The following ABI2 variants were observed in gnomAD, a reference collection of about 807,000 sequenced individuals.
ABI2 encodes abelson interactor 2.
In ABI2, 25 loss-of-function variants were observed where a neutral mutation model predicts 59.2. The observed-to-expected ratio is 0.42, with a 90% confidence interval of 0.31 to 0.59. ABI2 has a LOEUF of 0.59. Among genes scored for constraint, ABI2 ranks in the 20% least tolerant of loss-of-function variants. The pLI is 0.14. For synonymous variants in ABI2, 213 were observed against 235.5 expected, an observed-to-expected ratio of 0.90 and a Z score of 0.87; for missense variants, 545 against 681.8, an observed-to-expected ratio of 0.80 and a Z score of 2.23.
intron 2 of ABI2, among the ~76,000 whole-genome samples, chr2:203,371,596 C>A (rs530577837): frequency 6.9e-4 from 105 of 152,116 alleles, no homozygotes; most frequent in African/African-American, 2.4e-3. Flanking sequence ...TTGCTGTTAT[C>A]CTATTCATTC....
At chr2:203,337,885 T>C (rs2077182493) in intron 1 of ABI2, among the ~76,000 whole-genome samples, 1 of 152,062 alleles carries the variant, frequency 6.6e-6, no homozygotes, top group Admixed American at 6.5e-5. Context: ...ACAAAAATTA[T>C]AGGGCATGCT....
chr2:203,350,187 A>T (rs931455292), intron 1 of ABI2, among the ~76,000 whole-genome samples: 1 of 152,042 alleles, frequency 6.6e-6, no homozygotes, highest in Admixed American at 6.6e-5. Flanking sequence ...AGCCATTCTC[A>T]TGCCTCAACC....
At chr2:203,360,932 T>A (rs1344171635) in intron 1 of ABI2, among the ~76,000 whole-genome samples, 1 of 152,182 alleles carries the variant, frequency 6.6e-6, no homozygotes, top group African/African-American at 2.4e-5. Context: ...TAACAACTAA[T>A]TGTTACCCTT....
intron 10 of ABI2, among the ~76,000 whole-genome samples, chr2:203,413,013 A>T (rs911875448): frequency 6.6e-6 from 1 of 152,240 alleles, no homozygotes; most frequent in African/African-American, 2.4e-5. Context: ...ACAATGATTA[A>T]TGATGGTAGT....
intron 1 of ABI2, among the ~76,000 whole-genome samples, chr2:203,330,353 A>G (rs2072290981): frequency 6.6e-6 from 1 of 151,150 alleles, no homozygotes; most frequent in Admixed American, 6.6e-5. Context: ...GAAAAGATTC[A>G]GAGGTTCAGG....
At chr2:203,395,032 TA>T (rs778815963) in intron 6 of ABI2, 186 bp downstream of exon 6, 90 of 761,012 alleles carry the variant, frequency 1.2e-4, no homozygotes, top group Non-Finnish European at 2.0e-4. Flanking sequence ...AGGAAGTTGA[TA>T]AAGAACAGAC....
chr2:203,393,824 T>C (rs1458041652), intron 5 of ABI2, among the ~76,000 whole-genome samples: 5 of 151,654 alleles, frequency 3.3e-5, no homozygotes, highest in African/African-American at 1.2e-4. Context: ...TTTATCATTG[T>C]CATAAAGAAT....
intron 10 of ABI2, among the ~76,000 whole-genome samples, chr2:203,416,441 G>A (rs922385613): frequency 6.6e-6 from 1 of 152,128 alleles, no homozygotes; most frequent in Non-Finnish European, 1.5e-5. Context: ...GATTACGGGC[G>A]CCCACGACCA....
At chr2:203,344,597 T>C (rs976570612) in intron 1 of ABI2, among the ~76,000 whole-genome samples, 4 of 151,944 alleles carry the variant, frequency 2.6e-5, no homozygotes, top group African/African-American at 9.7e-5. Context: ...AGGTTTGCTC[T>C]TATTGCCCAG....
rs150904485 is a variant in ABI2 at position 203,417,014 on chromosome 2, G to C, written c.1386G>C (p.Val462=). The change falls in exon 11 of 12, where the codon GTG becomes GTC. Residue 462 remains valine, a synonymous_variant. Transcript: ENST00000261018. The part of the protein sequence containing the change: ...PEDYEEEEAA[V]VEYSDPYAEE... Reference sequence around the variant, plus strand: ...ATTACGAAGAGGAGGAAGCTGCTGTGGTTGAGTATAGTGATCCTTATGCTG... The same window carrying C: ...ATTACGAAGAGGAGGAAGCTGCTGTCGTTGAGTATAGTGATCCTTATGCTG... The C allele has an allele frequency of 6.4e-4, 1,030 of 1,614,144 alleles. 8 individuals carry two copies. The African/African-American group carries it at 0.013, about 20-fold the overall frequency.
At chr2:203,418,534 A>G (rs1559381840) in intron 11 of ABI2, among the ~76,000 whole-genome samples, 2 of 152,242 alleles carry the variant, frequency 1.3e-5, no homozygotes, top group East Asian at 3.8e-4. Flanking sequence ...GGCTGCCCAC[A>G]ATTCTGGATC....
At chr2:203,413,897 C>CCAG (rs74281050) in intron 10 of ABI2, among the ~76,000 whole-genome samples, 67,228 of 151,560 alleles carry the variant, frequency 0.44, 16,731 homozygotes, top group Middle Eastern at 0.7. Flanking sequence ...TTATAGTGAC[C>CCAG]CAGTTATACT....
chr2:203,382,057 CATT>C (rs2096168404), intron 3 of ABI2, 129 bp from the exon 4 acceptor site: 1 of 692,730 alleles, frequency 1.4e-6, no homozygotes, highest in Non-Finnish European at 2.3e-6. Context: ...TCTACTGAAA[CATT>C]ATTTTGTTAA....
chr2:203,355,958 A>G (rs1350641509), intron 1 of ABI2, among the ~76,000 whole-genome samples: 2 of 151,784 alleles, frequency 1.3e-5, no homozygotes, highest in Non-Finnish European at 1.5e-5. Flanking sequence ...CCAGATTGTA[A>G]AGGCATTCTT....
rs563528760 is a variant in ABI2 at position 203,378,279 on chromosome 2, A to C, written c.286-1929A>C. 2.0e-5 allele frequency among the ~76,000 whole-genome samples: 3 copies of C among 151,922 alleles called. No individual in the cohort carries two copies. In the South Asian group the frequency reaches 6.3e-4, roughly 32 times the overall value. ...AGGCACCCGCCACCATGCCCGGCTAATTTTTGTATTTTTAGTAGAGACGGG... is the reference window on the plus strand; with the variant it reads ...AGGCACCCGCCACCATGCCCGGCTACTTTTTGTATTTTTAGTAGAGACGGG... On this transcript the variant is annotated intron_variant, in intron 2 of 11. Coordinates refer to ENST00000261018, the MANE Select transcript of ABI2 (RefSeq NM_001375670.1).
In ABI2 at chr2:203,429,743, G is replaced by A. The variant is rs1371854786; in HGVS notation, c.*2391G>A. 1 of 125,570 alleles carries A rather than the reference G, an allele frequency of 8.0e-6. No individual in the cohort carries two copies. Among genetic ancestry groups the A allele is most frequent in the Non-Finnish European group, 1.6e-5 (1 of 61,222 alleles). The allele number at this position is 125,570 out of a possible 1,614,324, so 7.8% of individuals were successfully genotyped here. A position where few individuals can be genotyped will look rare whatever the true frequency, so the allele number is the denominator to read the frequency against. ...CTGCACTCCAGCCTGGTGACAGAGC[G>A]AGACTCCATCAAAAAAAAAAAAAAA... is the stretch of plus-strand genomic sequence containing the variant. On this transcript the variant is annotated 3_prime_UTR_variant, in exon 12 of 12. Transcript: ENST00000261018.
chr2:203,406,019 C>T (rs1477352554), intron 9 of ABI2, among the ~76,000 whole-genome samples: 1 of 152,088 alleles, frequency 6.6e-6, no homozygotes, highest in Non-Finnish European at 1.5e-5. Context: ...TTGATCAGGG[C>T]ATAACTGAAA....
At chr2:203,354,041 T>TTTTA (rs1319621904) in intron 1 of ABI2, among the ~76,000 whole-genome samples, 7 of 152,124 alleles carry the variant, frequency 4.6e-5, no homozygotes, top group Non-Finnish European at 8.8e-5. Context: ...TGTGATTAGA[T>TTTTA]TTTATTTATT....
At position 203,380,367 on chromosome 2, in the gene ABI2, A is replaced by G; in HGVS notation, c.445A>G (p.Ile149Val). ...TATTGACTATACAATTCTAGATGAT[A>G]TTGGACATGGAGTAAAGGTAGGTAT... Reference protein sequence around the residue: ...KPIDYTILDDIGHGVKWLLRF... With the variant: ...KPIDYTILDDVGHGVKWLLRF... The change falls in exon 3 of 12, where the codon ATT becomes GTT. Residue 149 changes from isoleucine to valine, a missense_variant. This residue lies in a region of ABI2 where 410 missense variants were observed against 435.6 expected (regional missense o/e 0.94). Transcript: ENST00000261018. The G allele has an allele frequency of 6.4e-7, 1 of 1,563,282 alleles. No homozygotes were observed. The highest frequency in any genetic ancestry group is 8.6e-7 in the Non-Finnish European group (1 of 1,160,506).
Sources: allele counts gnomAD v4.1 joint callset (sites outside exome capture counted in the v4.1 genomes callset), GRCh38; gene constraint gnomAD v4.1.1; regional missense constraint gnomAD v4.1.1; transcripts MANE v1.5; gene names NCBI Gene and HGNC (gene_info 2026-07-23, HGNC 2026-07-21).